Variants in CFD observed in about 807,000 individuals in gnomAD.
The protein encoded by CFD is C3 convertase activator.
In CFD, 24 loss-of-function variants were observed where a neutral mutation model predicts 21.1. That is an observed-to-expected ratio of 1.14 (90% CI 0.82 to 1.60). CFD has a LOEUF of 1.60. Among genes scored for constraint, CFD ranks in the 40% most tolerant of loss-of-function variants. The pLI is 0.00. For synonymous variants in CFD, 242 were observed against 175.9 expected (o/e 1.38, Z -2.97); for missense variants, 535 against 383.3 (o/e 1.40, Z -3.31).
intron 4 of CFD, 108 bp downstream of exon 4, chr19:862,064 C>T (rs2035805658): frequency 8.1e-6 from 3 of 370,762 alleles, no homozygotes; most frequent in Non-Finnish European, 1.1e-5. Flanking sequence ...AGGGAAGGGG[C>T]GGGGCGCGTA....
Position 861,903 on chromosome 19 carries a change from G to A in CFD, c.562G>A (p.Ala188Thr), listed in dbSNP as rs758829036. 3.5e-5 allele frequency: 56 copies of A among 1,578,488 alleles called. No individual in the cohort carries two copies. The highest frequency in any genetic ancestry group is 1.7e-4 in the Middle Eastern group (1 of 5,998). Residue 188 changes from alanine to threonine, a missense_variant, in exon 4 of 5, where the codon GCC (alanine) becomes ACC (threonine). Physicochemically the swap from Ala to Thr is moderately conservative, Grantham distance 58. Transcript: ENST00000327726. ...TCNRRTHHDG[A>T]ITERLMCAES... The stretch of plus-strand genomic sequence containing the variant: ...CAACCGGCGCACGCACCACGACGGC[G>A]CCATCACCGAGCGCTTGATGTGCGC...
In CFD at chr19:860,922, A is replaced by G; in HGVS notation, c.274A>G (p.Lys92Glu). The stretch of plus-strand genomic sequence containing the variant: ...CTCCCTGTCGCAGCCGGAGCCCTCC[A>G]AGCGCCTGTACGACGTGCTCCGCGC... The part of the protein sequence containing the change: ...AHSLSQPEPS[K>E]RLYDVLRAVP... Residue 92 changes from lysine to glutamate, a missense_variant, in exon 3 of 5, where the codon AAG becomes GAG. By Grantham distance (56) the Lys-to-Glu change is moderately conservative. Transcript: ENST00000327726. The G allele has an allele frequency of 2.5e-6, 4 of 1,599,654 alleles. No individual in the cohort carries two copies. Among genetic ancestry groups the G allele is most frequent in the South Asian group, 1.1e-5 (1 of 90,462 alleles).
rs763026937 is a variant in CFD at position 860,699 on chromosome 19, C to T, written c.138C>T (p.Asn46=). 2 of 1,552,660 alleles carry T rather than the reference C, an allele frequency of 1.3e-6. No individual in the cohort carries two copies. The highest frequency in any genetic ancestry group is 8.6e-7 in the Non-Finnish European group (1 of 1,159,092). Residue 46 remains asparagine, a synonymous_variant, in exon 2 of 5, where the codon AAC becomes AAT. Coordinates refer to ENST00000327726, the MANE Select transcript of CFD (RefSeq NM_001928.4). Reference sequence around the variant, plus strand: ...CCTACATGGCGTCGGTGCAGCTGAACGGCGCGCACCTGTGCGGCGGCGTCC... The same window carrying T: ...CCTACATGGCGTCGGTGCAGCTGAATGGCGCGCACCTGTGCGGCGGCGTCC... The part of the protein sequence containing the change: ...ARPYMASVQL[N]GAHLCGGVLV...
At position 861,732 on chromosome 19, in the gene CFD, C is replaced by G; in HGVS notation, c.391C>G (p.Arg131Gly). The G allele has an allele frequency of 1.2e-6, 2 of 1,604,054 alleles. No individual in the cohort carries two copies. The highest frequency in any genetic ancestry group is 1.7e-6 in the Non-Finnish European group (2 of 1,177,306). ...SEKATLGPAV[R>G]PLPWQRVDRD... ...GAAGGCCACACTGGGCCCTGCTGTG[C>G]GCCCCCTGCCCTGGCAGCGCGTGGA... The change falls in exon 4 of 5, where the codon CGC becomes GGC. Residue 131 changes from arginine to glycine, a missense_variant. Transcript: ENST00000327726.
Position 862,514 on chromosome 19 carries a change from G to T in CFD, c.615+558G>T, listed in dbSNP as rs1259734420. ...CGTGGAGGAAGGGGCGGGGCATGGG[G>T]ACGGGGCGGGGCAGGTGGAAGGGGC... On this transcript the variant is annotated intron_variant, in intron 4 of 4. Coordinates refer to ENST00000327726, the MANE Select transcript of CFD (RefSeq NM_001928.4). Among the ~76,000 whole-genome samples the T allele has an allele frequency of 1.0e-4, 14 of 137,980 alleles. No individual in the cohort carries two copies. The East Asian group carries it at 2.5e-3, about 25-fold the overall frequency. The allele number at this position is 137,980 out of a possible 152,430, so 90.5% of individuals were successfully genotyped here.
In CFD at chr19:861,833, C is replaced by G; in HGVS notation, c.492C>G (p.Asp164Glu). The change falls in exon 4 of 5, where the codon GAC becomes GAG. Residue 164 changes from aspartate to glutamate, a missense_variant. Coordinates refer to ENST00000327726, the MANE Select transcript of CFD (RefSeq NM_001928.4). ...TCAACCACGCGGGCCGCCGCCCGGA[C>G]AGCCTGCAGCACGTGCTCTTGCCAG... Reference protein sequence around the residue: ...GIVNHAGRRPDSLQHVLLPVL... With the variant: ...GIVNHAGRRPESLQHVLLPVL... 6.2e-7 allele frequency: 1 copy of G among 1,600,926 alleles called. No individual in the cohort carries two copies. Among genetic ancestry groups the G allele is most frequent in the Non-Finnish European group, 8.5e-7 (1 of 1,178,720 alleles).
Position 863,360 on chromosome 19 carries a change from G to A in CFD, c.*122G>A. The A allele has an allele frequency of 2.5e-6, 3 of 1,184,570 alleles. No individual in the cohort carries two copies. The highest frequency in any genetic ancestry group is 2.6e-5 in the East Asian group (1 of 38,572). 73.4% of individuals were successfully genotyped at this position (1,184,570 alleles called of 1,614,324 possible). On this transcript the variant is annotated 3_prime_UTR_variant, in exon 5 of 5. Transcript: ENST00000327726. The stretch of plus-strand genomic sequence containing the variant: ...ACTATATGCAGAAGGGGAGGCCGAG[G>A]TGGGAGGATCATTGGATCTCAGGAG...
At position 863,435 on chromosome 19, in the gene CFD, T is replaced by TA. The variant is rs71743169; in HGVS notation, c.*203dup. Reference sequence around the variant, plus strand: ...GCGCGACTCCATCTCTACAAATAAATAAAAAATTAGCTGGGCAATTGGCGG... The same window carrying TA: ...GCGCGACTCCATCTCTACAAATAAATAAAAAAATTAGCTGGGCAATTGGCGG... On this transcript the variant is annotated 3_prime_UTR_variant, in exon 5 of 5. Coordinates refer to ENST00000327726, the MANE Select transcript of CFD (RefSeq NM_001928.4). The TA allele has an allele frequency of 6.2e-6, 4 of 641,086 alleles. No individual in the cohort carries two copies. The highest frequency in any genetic ancestry group is 1.8e-5 in the African/African-American group (1 of 54,786). The allele number at this position is 641,086 out of a possible 1,614,324, so 39.7% of individuals were successfully genotyped here.
rs2035838127 is a variant in CFD, at chr19:863,303, T to G, written c.*65T>G. On this transcript the variant is annotated 3_prime_UTR_variant, in exon 5 of 5. Transcript: ENST00000327726. ...AGTCCCGAGCAATGAAGTCATCCACTCCTGCATCTGGTTGGTCTTTATTGA... is the reference window on the plus strand; with the variant it reads ...AGTCCCGAGCAATGAAGTCATCCACGCCTGCATCTGGTTGGTCTTTATTGA... The G allele has an allele frequency of 2.6e-6, 4 of 1,526,056 alleles. No individual in the cohort carries two copies. In the Admixed American group the frequency reaches 5.9e-5, roughly 22 times the overall value. The allele number at this position is 1,526,056 out of a possible 1,614,324, so 94.5% of individuals were successfully genotyped here.
chr19:860,915 G>A lies in CFD; in HGVS notation c.267G>A (p.Glu89=), dbSNP rs1254712688. ...LLGAHSLSQP[E]PSKRLYDVLR... ...GCGCGCACTCCCTGTCGCAGCCGGAGCCCTCCAAGCGCCTGTACGACGTGC... is the reference window on the plus strand; with the variant it reads ...GCGCGCACTCCCTGTCGCAGCCGGAACCCTCCAAGCGCCTGTACGACGTGC... Residue 89 remains glutamate, a synonymous_variant, in exon 3 of 5, where the codon GAG becomes GAA. Transcript: ENST00000327726. The A allele has an allele frequency of 2.5e-6, 4 of 1,597,490 alleles. No homozygotes were observed. The highest frequency in any genetic ancestry group is 3.4e-6 in the Non-Finnish European group (4 of 1,177,366).
chr19:860,745 C>T lies in CFD; in HGVS notation c.184C>T (p.Leu62=). 6.4e-7 allele frequency: 1 copy of T among 1,567,720 alleles called. No individual in the cohort carries two copies. The highest frequency in any genetic ancestry group is 8.6e-7 in the Non-Finnish European group (1 of 1,166,182). The change falls in exon 2 of 5, where the codon CTG becomes TTG. Residue 62 remains leucine, a synonymous_variant. Transcript: ENST00000327726. ...CGTCCTGGTGGCGGAGCAGTGGGTG[C>T]TGAGCGCGGCGCACTGCCTGGAGGA... The part of the protein sequence containing the change: ...GGVLVAEQWV[L]SAAHCLEDAA...
In CFD at chr19:863,235, C is replaced by G. The variant is rs367763802; in HGVS notation, c.759C>G (p.Ala253=). ...SYAAWIDSVL[A] ...CGGCCTGGATCGACAGCGTCCTGGCCTAGGGTGCCGGGGCCTGAAGGTCAG... is the reference window on the plus strand; with the variant it reads ...CGGCCTGGATCGACAGCGTCCTGGCGTAGGGTGCCGGGGCCTGAAGGTCAG... Residue 253 remains alanine, a synonymous_variant, in exon 5 of 5, where the codon GCC becomes GCG. Coordinates refer to ENST00000327726, the MANE Select transcript of CFD (RefSeq NM_001928.4). 6 of 1,546,984 alleles carry G rather than the reference C, an allele frequency of 3.9e-6. No homozygotes were observed. Among genetic ancestry groups the G allele is most frequent in the Non-Finnish European group, 5.2e-6 (6 of 1,152,884 alleles).
At chr19:862,083 G>C in intron 4 of CFD, 127 bp downstream of exon 4, 9 of 997,446 alleles carry the variant, frequency 9.0e-6, no homozygotes, top group South Asian at 1.6e-5. Context: ...TAGGGGGCGG[G>C]AACTGGAAGA....
chr19:861,512 G>A (rs1393216032), intron 3 of CFD, among the ~76,000 whole-genome samples, 187 bp from the exon 4 acceptor site: 1 of 138,252 alleles, frequency 7.2e-6, no homozygotes, highest in Non-Finnish European at 1.6e-5. Context: ...GCACTGGTGA[G>A]CCTCGCACCC....
At chr19:863,062 G>A (rs1205179970) in intron 4 of CFD, 30 bp from the exon 5 acceptor site, 3 of 1,490,436 alleles carry the variant, frequency 2.0e-6, no homozygotes, top group Non-Finnish European at 2.7e-6. Context: ...GGCGCGGGCC[G>A]CCCCTCACGG....
In CFD at chr19:861,674, C is replaced by T. The variant is rs368754028; in HGVS notation, c.358-25C>T. 120 of 1,585,334 alleles carry T rather than the reference C, an allele frequency of 7.6e-5. No individual in the cohort carries two copies. In the African/African-American group the frequency reaches 1.2e-3, roughly 16 times the overall value. On this transcript the variant is annotated intron_variant, in intron 3 of 4. Transcript: ENST00000327726. ...CCAGCCTCGCACCCCCGCACCCCAA[C>T]CCTGACGTCCGCCTCCACCCTCAGC...
At position 861,966 on chromosome 19, in the gene CFD, C is replaced by G. The variant is rs2145164016; in HGVS notation, c.615+10C>G. ...CCGGGACAGCTGCAAGGTGAGCCTT[C>G]AGGCCTGGGAGGAGACGCGGGGCCT... On this transcript the variant is annotated intron_variant, in intron 4 of 4. Coordinates refer to ENST00000327726, the MANE Select transcript of CFD (RefSeq NM_001928.4). 1 of 1,539,864 alleles carries G rather than the reference C, an allele frequency of 6.5e-7. No homozygotes were observed. The highest frequency in any genetic ancestry group is 2.4e-5 in the East Asian group (1 of 41,386).
intron 1 of CFD, 48 bp from the exon 2 acceptor site, chr19:860,569 C>A (rs1397351585): frequency 4.4e-6 from 6 of 1,374,012 alleles, no homozygotes; most frequent in Non-Finnish European, 4.7e-6. Flanking sequence ...CAGCCTCGCC[C>A]GGGGGAGGAG....
At chr19:862,118 TGGGCGGGGCCTGTATGAGG>T (rs1331823749) in intron 4 of CFD, among the ~76,000 whole-genome samples, 162 bp downstream of exon 4, 3 of 6,416 alleles carry the variant, frequency 4.7e-4, no homozygotes, top group African/African-American at 8.0e-4. Context: ...GGGTGGCCCG[TGGGCGGGGCCTGTATGAGG>T]GGGCGGGGCA....
Sources: gnomAD v4.1 joint callset for allele counts (sites outside exome capture counted in the v4.1 genomes callset) on GRCh38, gnomAD v4.1.1 for gene constraint, MANE v1.5 for transcripts, NCBI Gene and HGNC (gene_info 2026-07-23, HGNC 2026-07-21) for gene names.